EXOSC7: variants seen among roughly 807,000 people sequenced by gnomAD.
EXOSC7 encodes exosome complex component RRP42.
EXOSC7 carries 25 observed loss-of-function variants against 34.3 expected under a neutral mutation model. The ratio of observed to expected loss-of-function variants is 0.73; its 90% confidence interval spans 0.53 to 1.02. EXOSC7 has a LOEUF of 1.02. Among genes scored for constraint, EXOSC7 ranks in the 50% least tolerant of loss-of-function variants. The pLI, the probability that EXOSC7 is intolerant of heterozygous loss-of-function variation, is 0.00. For missense variants in EXOSC7, 370 were observed against 368.5 expected (o/e 1.00, Z -0.03); for synonymous variants, 130 against 143.0 (o/e 0.91, Z 0.65).
intron 3 of EXOSC7, among the ~76,000 whole-genome samples, chr3:44,995,457 A>G (rs1041613648): frequency 6.6e-6 from 1 of 152,248 alleles, no homozygotes; most frequent in Admixed American, 6.5e-5. Context: ...GAGTGTAAGC[A>G]TCTCTGGCTG....
intron 6 of EXOSC7, among the ~76,000 whole-genome samples, chr3:45,006,674 C>G (rs1299043233): frequency 6.6e-6 from 1 of 151,862 alleles, no homozygotes; most frequent in Non-Finnish European, 1.5e-5. Flanking sequence ...CCTCGGCCTC[C>G]CAAAGTGCTG....
At chr3:44,989,463 C>T in intron 2 of EXOSC7, 87 bp from the exon 3 acceptor site, 3 of 1,120,596 alleles carry the variant, frequency 2.7e-6, no homozygotes, top group Non-Finnish European at 4.0e-6. Flanking sequence ...AAGAGTCCCC[C>T]AGGGGTGTAT....
rs2056322 is a variant in EXOSC7, at chr3:44,987,495, G to A, written c.58-1645G>A. On this transcript the variant is annotated intron_variant, in intron 1 of 7. Coordinates refer to ENST00000265564, the MANE Select transcript of EXOSC7 (RefSeq NM_015004.4). Reference sequence around the variant, plus strand: ...GCTGAGGCGGGAGAAGCGCTTGAACGCAGGTGGCGGAGGTTGCAGTGAGCT... The same window carrying A: ...GCTGAGGCGGGAGAAGCGCTTGAACACAGGTGGCGGAGGTTGCAGTGAGCT... 2.0e-3 allele frequency among the ~76,000 whole-genome samples: 298 copies of A among 152,342 alleles called. 16 individuals carry two copies. The South Asian group carries it at 0.058, about 30-fold the overall frequency.
intron 3 of EXOSC7, among the ~76,000 whole-genome samples, chr3:44,996,178 T>G (rs6441877): frequency 0.46 from 70,004 of 152,048 alleles, 16,738 homozygotes; most frequent in East Asian, 0.84. Flanking sequence ...ATATGTGATT[T>G]TATAGAGTCC....
chr3:44,976,255 G>A lies in EXOSC7; in HGVS notation c.-23G>A. The stretch of plus-strand genomic sequence containing the variant: ...GAGGGGACGCGCGCAGATGACGTGC[G>A]GCTCGTGGGGCAGCTCGGCAGCATG... On this transcript the variant is annotated 5_prime_UTR_variant, in exon 1 of 8. Transcript: ENST00000265564. 2.6e-6 allele frequency: 4 copies of A among 1,536,798 alleles called. No individual in the cohort carries two copies. The highest frequency in any genetic ancestry group is 1.4e-5 in the African/African-American group (1 of 69,904).
intron 7 of EXOSC7, among the ~76,000 whole-genome samples, chr3:45,009,118 A>G (rs915606619): frequency 3.9e-5 from 6 of 152,200 alleles, no homozygotes; most frequent in Non-Finnish European, 5.9e-5. Context: ...CCACTGTGCA[A>G]TGTCAGCCTT....
In EXOSC7 at chr3:44,997,062, G is replaced by GT. The variant is rs756042721; in HGVS notation, c.255-18dup. 6 of 1,607,780 alleles carry GT rather than the reference G, an allele frequency of 3.7e-6. No individual in the cohort carries two copies. The South Asian group carries it at 5.5e-5, about 15-fold the overall frequency. Reference sequence around the variant, plus strand: ...TTTTGCACTTGGAAAGACTCACCCAGTTTTTTTGTTTCTGTTTTGTATAGT... The same window carrying GT: ...TTTTGCACTTGGAAAGACTCACCCAGTTTTTTTTGTTTCTGTTTTGTATAGT... On this transcript the variant is annotated intron_variant, in intron 3 of 7. Coordinates refer to ENST00000265564, the MANE Select transcript of EXOSC7 (RefSeq NM_015004.4).
chr3:45,009,478 A>G (rs1338715543), intron 7 of EXOSC7, among the ~76,000 whole-genome samples: 1 of 152,098 alleles, frequency 6.6e-6, no homozygotes, highest in East Asian at 1.9e-4. Context: ...ATGTATATGA[A>G]TAATCAGTAC....
At chr3:44,992,770 T>G (rs1706607866) in intron 3 of EXOSC7, among the ~76,000 whole-genome samples, 1 of 152,196 alleles carries the variant, frequency 6.6e-6, no homozygotes, top group African/African-American at 2.4e-5. Context: ...GCGCTGCCAC[T>G]AGGCGGCGAG....
At chr3:44,981,497 A>T (rs1706268198) in intron 1 of EXOSC7, among the ~76,000 whole-genome samples, 1 of 152,104 alleles carries the variant, frequency 6.6e-6, no homozygotes, top group Admixed American at 6.6e-5. Context: ...CAGAAGTGTG[A>T]CTTTGTCTTA....
chr3:44,992,264 TTGGTGGTGATGG>T (rs892535705), intron 3 of EXOSC7, among the ~76,000 whole-genome samples: 18 of 152,230 alleles, frequency 1.2e-4, no homozygotes, highest in South Asian at 2.1e-4. Flanking sequence ...AGGAAATAAA[TTGGTGGTGATGG>T]TGGTGGTGAT....
intron 3 of EXOSC7, among the ~76,000 whole-genome samples, chr3:44,992,342 G>A (rs1213894362): frequency 6.6e-6 from 1 of 152,214 alleles, no homozygotes; most frequent in East Asian, 1.9e-4. Flanking sequence ...CTTCTTGTTA[G>A]CAACTTCCAG....
intron 4 of EXOSC7, 110 bp downstream of exon 4, chr3:44,997,362 T>C (rs1313801435): frequency 7.2e-6 from 7 of 976,834 alleles, no homozygotes; most frequent in East Asian, 5.0e-5. Flanking sequence ...TTTCAACTTA[T>C]AGGGTGGGAT....
intron 1 of EXOSC7, among the ~76,000 whole-genome samples, chr3:44,988,705 G>A (rs1281549380): frequency 6.6e-6 from 1 of 152,176 alleles, no homozygotes; most frequent in East Asian, 1.9e-4. Context: ...TGAGTTTTAG[G>A]GGTAGGAGGG....
chr3:45,008,794 G>A (rs549012279), intron 7 of EXOSC7, among the ~76,000 whole-genome samples: 1 of 152,196 alleles, frequency 6.6e-6, no homozygotes, highest in African/African-American at 2.4e-5. Flanking sequence ...GTCAAACCTT[G>A]TTTTAGAAGG....
intron 1 of EXOSC7, chr3:44,977,260 C>A (rs562966649): frequency 6.6e-6 from 1 of 152,376 alleles, no homozygotes; most frequent in South Asian, 2.1e-4. Context: ...GTGTGGTCCT[C>A]CTATCAGAGT....
intron 5 of EXOSC7, among the ~76,000 whole-genome samples, chr3:45,002,608 T>C (rs2125971167): frequency 6.6e-6 from 1 of 152,366 alleles, no homozygotes; most frequent in Non-Finnish European, 1.5e-5. Context: ...TTATATGTAA[T>C]GTGTCTGGAA....
At chr3:44,994,651 G>A (rs1182372903) in intron 3 of EXOSC7, among the ~76,000 whole-genome samples, 1 of 152,132 alleles carries the variant, frequency 6.6e-6, no homozygotes, top group Non-Finnish European at 1.5e-5. Flanking sequence ...TCACACATCA[G>A]CAGAATATGG....
intron 5 of EXOSC7, chr3:45,004,204 C>T (rs943588919): frequency 6.6e-6 from 1 of 151,930 alleles, no homozygotes; most frequent in Non-Finnish European, 1.5e-5. Context: ...CCAGTTAACA[C>T]TTCCACCAGC....
Sources: gnomAD v4.1 joint callset for allele counts (sites outside exome capture counted in the v4.1 genomes callset) on GRCh38, gnomAD v4.1.1 for gene constraint, MANE v1.5 for transcripts, NCBI Gene and HGNC (gene_info 2026-07-23, HGNC 2026-07-21) for gene names.